KCNQ1: variants seen among roughly 807,000 people sequenced by gnomAD.
KCNQ1 encodes potassium voltage-gated channel subfamily Q member 1.
In KCNQ1, 49 loss-of-function variants were observed where a neutral mutation model predicts 72.4. The observed-to-expected ratio is 0.68, with a 90% CI of 0.54 to 0.86. The LOEUF (loss-of-function observed/expected upper bound fraction) is 0.86, where lower values mean the gene tolerates loss of function less well. KCNQ1 is among the 40% of genes least tolerant of loss of function. The pLI, the probability that KCNQ1 is intolerant of heterozygous loss-of-function variation, is 0.00. For missense variants in KCNQ1, 790 were observed against 945.1 expected (o/e 0.84, Z 2.15); for synonymous variants, 450 against 412.6 (o/e 1.09, Z -1.10).
At chr11:2,800,762 G>C (rs1176653898) in intron 15 of KCNQ1, among the ~76,000 whole-genome samples, 1 of 152,236 alleles carries the variant, frequency 6.6e-6, no homozygotes, top group Admixed American at 6.5e-5. Context: ...CGGGGGTTCA[G>C]GAGATCCCCA....
At chr11:2,641,014 A>G (rs1329339522) in intron 10 of KCNQ1, 8 of 398,394 alleles carry the variant, frequency 2.0e-5, no homozygotes, top group East Asian at 3.6e-5. Flanking sequence ...TCTTTGGTCA[A>G]TTAGTATTCC....
chr11:2,594,632 T>G (rs1848711415), intron 10 of KCNQ1, among the ~76,000 whole-genome samples: 1 of 152,218 alleles, frequency 6.6e-6, no homozygotes, highest in Admixed American at 6.5e-5. Context: ...CTATGCAGTT[T>G]CTAACTCTTG....
At chr11:2,697,489 AGTTTTGGTTTATAACTT>A in intron 11 of KCNQ1, 1 of 398,584 alleles carries the variant, frequency 2.5e-6, no homozygotes, top group Non-Finnish European at 4.4e-6. Flanking sequence ...TGAAAAGTTA[AGTTTTGGTTTATAACTT>A]GTATCAAGTT....
intron 15 of KCNQ1, among the ~76,000 whole-genome samples, chr11:2,778,515 A>G (rs1471979967): frequency 6.6e-6 from 1 of 152,134 alleles, no homozygotes; most frequent in African/African-American, 2.4e-5. Flanking sequence ...GAAGAGAGGC[A>G]TCTTCTGTTC....
Position 2,783,781 on chromosome 11 carries a change from G to A in KCNQ1, c.1794+5744G>A, listed in dbSNP as rs1485405692. Among the ~76,000 whole-genome samples, 1 of 151,912 alleles carries A rather than the reference G, an allele frequency of 6.6e-6. No homozygotes were observed. Among genetic ancestry groups the A allele is most frequent in the Non-Finnish European group, 1.5e-5 (1 of 67,852 alleles). ...TGAGCCACTTTTCATGTGCTTATTA[G>A]CCATTCATAGTCTTCTTTGGTGAAA... On this transcript the variant is annotated intron_variant, in intron 15 of 15. Transcript: ENST00000155840. The surrounding 1 kb of genome is among the most constrained non-coding windows in gnomAD (Gnocchi z 5.2).
At position 2,653,440 on chromosome 11, in the gene KCNQ1, G is replaced by A. The variant is rs1156954447; in HGVS notation, c.1394-8521G>A. Reference sequence around the variant, plus strand: ...ACTCAAACAAGCTTAAGCACAAAAGGGACATTTTTTGGCTCACACAGCTGG... The same window carrying A: ...ACTCAAACAAGCTTAAGCACAAAAGAGACATTTTTTGGCTCACACAGCTGG... On this transcript the variant is annotated intron_variant, in intron 10 of 15. Coordinates refer to ENST00000155840, the MANE Select transcript of KCNQ1 (RefSeq NM_000218.3). This position sits in a 1 kb window ranked among gnomAD's most constrained non-coding sequence, Gnocchi z 5.3. The A allele has an allele frequency of 2.3e-5, 9 of 398,424 alleles. No individual in the cohort carries two copies. The highest frequency in any genetic ancestry group is 4.0e-5 in the Non-Finnish European group (9 of 226,094). 24.7% of individuals were successfully genotyped at this position (398,424 alleles called of 1,614,324 possible). A position where few individuals can be genotyped will look rare whatever the true frequency, so the allele number is the denominator to read the frequency against.
At position 2,601,085 on chromosome 11, in the gene KCNQ1, TA is replaced by T. The variant is rs774725539; in HGVS notation, c.1393+12246del. 0.012 allele frequency among the ~76,000 whole-genome samples: 1,734 copies of T among 138,770 alleles called. 10 individuals are homozygous for T. The highest frequency in any genetic ancestry group is 0.02 in the African/African-American group (768 of 38,540). The allele number at this position is 138,770 out of a possible 152,430, so 91.0% of individuals were successfully genotyped here. ...GCCATGCATATACCCTGCTACTTGT[TA>T]AAAAAAAAAAAAAAGTCTCTCCAGA... On this transcript the variant is annotated intron_variant, in intron 10 of 15. Transcript: ENST00000155840. The surrounding 1 kb of genome is among the most constrained non-coding windows in gnomAD (Gnocchi z 5.2).
chr11:2,753,636 T>C (rs1846258692), intron 11 of KCNQ1, among the ~76,000 whole-genome samples: 1 of 152,212 alleles, frequency 6.6e-6, no homozygotes, highest in Admixed American at 6.5e-5. Flanking sequence ...TTCACGACTC[T>C]CTAACTTTAG....
In KCNQ1 at chr11:2,815,141, TC is replaced by T. The variant is rs1217136249; in HGVS notation, c.1795-32622del. ...GCCTTATGTGGTCAGTACCAATCCC[TC>T]CCCAAATTACCCCCATGCTCAGGGT... On this transcript the variant is annotated intron_variant, in intron 15 of 15. Coordinates refer to ENST00000155840, the MANE Select transcript of KCNQ1 (RefSeq NM_000218.3). The surrounding 1 kb of genome is among the most constrained non-coding windows in gnomAD (Gnocchi z 5.4). Among the ~76,000 whole-genome samples the T allele has an allele frequency of 6.6e-6, 1 of 152,162 alleles. No individual in the cohort carries two copies. Among genetic ancestry groups the T allele is most frequent in the African/African-American group, 2.4e-5 (1 of 41,428 alleles).
In KCNQ1 at chr11:2,711,149, C is replaced by T. The variant is rs1289017617; in HGVS notation, c.1514+49068C>T. 2.6e-5 allele frequency among the ~76,000 whole-genome samples: 4 copies of T among 152,142 alleles called. No homozygotes were observed. The highest frequency in any genetic ancestry group is 5.9e-5 in the Non-Finnish European group (4 of 68,024). ...TATTTGGATTTTTAAAAATTTGGTT[C>T]AAGAATATCTCATAGTTTTCAGTAT... is the stretch of plus-strand genomic sequence containing the variant. On this transcript the variant is annotated intron_variant, in intron 11 of 15. Coordinates refer to ENST00000155840, the MANE Select transcript of KCNQ1 (RefSeq NM_000218.3). The surrounding 1 kb of genome is among the most constrained non-coding windows in gnomAD (Gnocchi z 5.4).
At chr11:2,656,229 T>C (rs1006224648) in intron 10 of KCNQ1, 47 of 398,690 alleles carry the variant, frequency 1.2e-4, no homozygotes, top group African/African-American at 9.2e-4. Context: ...TTTAGCTCTG[T>C]CACTTGACAA....
intron 2 of KCNQ1, among the ~76,000 whole-genome samples, chr11:2,539,545 G>A (rs1460642121): frequency 6.6e-6 from 1 of 152,166 alleles, no homozygotes; most frequent in Non-Finnish European, 1.5e-5. Context: ...GCCGATGGCT[G>A]TGCTGGCCGA....
chr11:2,720,864 T>C lies in KCNQ1; in HGVS notation c.1515-47980T>C, dbSNP rs1044361761. On this transcript the variant is annotated intron_variant, in intron 11 of 15. Coordinates refer to ENST00000155840, the MANE Select transcript of KCNQ1 (RefSeq NM_000218.3). This position sits in a 1 kb window ranked among gnomAD's most constrained non-coding sequence, Gnocchi z 5.1. ...AGTTGGGGAACGGCCTTGCTGGGAG[T>C]TGGGGCCTGGCCTGGACCTCGAGGC... 1.6e-4 allele frequency among the ~76,000 whole-genome samples: 24 copies of C among 151,846 alleles called. No homozygotes were observed. Among genetic ancestry groups the C allele is most frequent in the African/African-American group, 5.6e-4 (23 of 41,294 alleles).
chr11:2,728,014 G>A lies in KCNQ1; in HGVS notation c.1515-40830G>A, dbSNP rs560865611. 1.5e-4 allele frequency among the ~76,000 whole-genome samples: 23 copies of A among 152,138 alleles called. No individual in the cohort carries two copies. The South Asian group carries it at 3.3e-3, about 22-fold the overall frequency. On this transcript the variant is annotated intron_variant, in intron 11 of 15. Transcript: ENST00000155840. ...GCGTGAGGTTCATGTGACCGCTCCC[G>A]CTCACCTCCCAGCCTCATTGCCTCC... is the stretch of plus-strand genomic sequence containing the variant.
rs974244194 is a variant in KCNQ1, at chr11:2,750,041, G to A, written c.1515-18803G>A. Reference sequence around the variant, plus strand: ...GTAAATGAGTGAAAATGGGGTGAGAGGGAGGGAGTGGGAACAGCCAAGAGG... The same window carrying A: ...GTAAATGAGTGAAAATGGGGTGAGAAGGAGGGAGTGGGAACAGCCAAGAGG... On this transcript the variant is annotated intron_variant, in intron 11 of 15. Transcript: ENST00000155840. This position sits in a 1 kb window ranked among gnomAD's most constrained non-coding sequence, Gnocchi z 6.3. 1.3e-5 allele frequency among the ~76,000 whole-genome samples: 2 copies of A among 152,156 alleles called. No homozygotes were observed. The highest frequency in any genetic ancestry group is 2.9e-5 in the Non-Finnish European group (2 of 68,038).
In KCNQ1 at chr11:2,690,347, A is replaced by G; in HGVS notation, c.1514+28266A>G. ...GATGTCAAGTCTGAGGCTGCCCTGC[A>G]GCTGCTGTTTCCACTACTTGGCATG... On this transcript the variant is annotated intron_variant, in intron 11 of 15. Coordinates refer to ENST00000155840, the MANE Select transcript of KCNQ1 (RefSeq NM_000218.3). This position sits in a 1 kb window ranked among gnomAD's most constrained non-coding sequence, Gnocchi z 5.1. 1 of 398,726 alleles carries G rather than the reference A, an allele frequency of 2.5e-6. No homozygotes were observed. 24.7% of individuals were successfully genotyped at this position (398,726 alleles called of 1,614,324 possible). A position where few individuals can be genotyped will look rare whatever the true frequency, so the allele number is the denominator to read the frequency against.
chr11:2,675,571 A>C (rs553246219), intron 11 of KCNQ1: 26 of 398,674 alleles, frequency 6.5e-5, no homozygotes, highest in African/African-American at 4.9e-4. Flanking sequence ...CATACGTAAC[A>C]GTTTCACTTC....
intron 11 of KCNQ1, among the ~76,000 whole-genome samples, chr11:2,721,994 C>T (rs1032603857): frequency 2.0e-5 from 3 of 152,244 alleles, no homozygotes; most frequent in African/African-American, 7.2e-5. Flanking sequence ...ACGCACACCC[C>T]CTGCCCCTGG....
Position 2,670,346 on chromosome 11 carries a change from C to T in KCNQ1, c.1514+8265C>T, listed in dbSNP as rs1179608576. 1 of 398,430 alleles carries T rather than the reference C, an allele frequency of 2.5e-6. No individual in the cohort carries two copies. Among genetic ancestry groups the T allele is most frequent in the East Asian group, 3.6e-5 (1 of 28,088 alleles). The allele number at this position is 398,430 out of a possible 1,614,324, so 24.7% of individuals were successfully genotyped here. On this transcript the variant is annotated intron_variant, in intron 11 of 15. Coordinates refer to ENST00000155840, the MANE Select transcript of KCNQ1 (RefSeq NM_000218.3). This position sits in a 1 kb window ranked among gnomAD's most constrained non-coding sequence, Gnocchi z 4.9. ...TGGTAGCAGAGTTCAGACTCAGTGG[C>T]TTTCAGATGGTTAGTATAGGCTGAA...
Sources: allele counts gnomAD v4.1 joint callset (sites outside exome capture counted in the v4.1 genomes callset), GRCh38; gene constraint gnomAD v4.1.1; non-coding constraint Gnocchi (gnomAD v3.1); transcripts MANE v1.5; gene names NCBI Gene and HGNC (gene_info 2026-07-23, HGNC 2026-07-21).